Variants in ITGAV observed in about 807,000 individuals in gnomAD.
The protein encoded by ITGAV is integrin alpha-V.
Under a neutral mutation model 143.8 loss-of-function variants are expected in ITGAV, and 76 were observed. The observed-to-expected ratio is 0.53, with a 90% CI of 0.44 to 0.64. ITGAV has a LOEUF of 0.64. Ranked by LOEUF, ITGAV falls within the 30% of genes least tolerant of loss-of-function variation. ITGAV has a pLI of 0.00. For missense variants in ITGAV, 1,193 were observed against 1,274.7 expected, an observed-to-expected ratio of 0.94 and a Z score of 0.98; for synonymous variants, 453 against 446.7, an observed-to-expected ratio of 1.01 and a Z score of -0.18.
intron 8 of ITGAV, among the ~76,000 whole-genome samples, chr2:186,637,475 C>T (rs536740098): frequency 7.7e-6 from 1 of 130,358 alleles, no homozygotes; most frequent in East Asian, 2.3e-4. Context: ...AGCCGAGACC[C>T]TGTCTCAAAA....
intron 13 of ITGAV, among the ~76,000 whole-genome samples, chr2:186,647,829 C>T (rs1241662068): frequency 6.6e-6 from 1 of 152,108 alleles, no homozygotes; most frequent in East Asian, 1.9e-4. Context: ...TGTTGAAACA[C>T]TTAATATGAG....
intron 4 of ITGAV, among the ~76,000 whole-genome samples, chr2:186,628,915 G>A (rs1341117272): frequency 6.6e-6 from 1 of 151,970 alleles, no homozygotes. Context: ...TTATTTACTA[G>A]CTGGTTGGCC....
intron 3 of ITGAV, among the ~76,000 whole-genome samples, chr2:186,624,422 G>A (rs542422760): frequency 1.3e-5 from 2 of 152,294 alleles, no homozygotes; most frequent in East Asian, 3.9e-4. Flanking sequence ...GGGGTTAAGA[G>A]TGGGGATGTT....
intron 2 of ITGAV, among the ~76,000 whole-genome samples, chr2:186,614,898 G>A (rs1687310641): frequency 6.6e-6 from 1 of 151,910 alleles, no homozygotes; most frequent in Non-Finnish European, 1.5e-5. Context: ...TGTTTTAAGT[G>A]TACAATTCAA....
chr2:186,593,299 T>A (rs1686664300), intron 1 of ITGAV, among the ~76,000 whole-genome samples: 1 of 152,132 alleles, frequency 6.6e-6, no homozygotes, highest in South Asian at 2.1e-4. Context: ...CATAGTTTTG[T>A]TGTGAAAATT....
chr2:186,676,806 T>C lies in ITGAV; in HGVS notation c.2929-7T>C. 1 of 1,611,542 alleles carries C rather than the reference T, an allele frequency of 6.2e-7. No homozygotes were observed. Among genetic ancestry groups the C allele is most frequent in the African/African-American group, 1.3e-5 (1 of 74,922 alleles). ...TTTTTAAAACTAAAAGCTTTTTTCC[T>C]CGATAGGTTACCACTAATGTCACCT... On this transcript the variant is annotated splice_polypyrimidine_tract_variant and splice_region_variant and intron_variant, in intron 28 of 29. Transcript: ENST00000261023.
At chr2:186,620,670 G>C (rs59395554) in intron 2 of ITGAV, among the ~76,000 whole-genome samples, 1,915 of 152,266 alleles carry the variant, frequency 0.013, 32 homozygotes, top group African/African-American at 0.044. Context: ...GGCTGAAGTG[G>C]GAGGATCGCT....
At chr2:186,601,299 T>C (rs991043822) in intron 1 of ITGAV, among the ~76,000 whole-genome samples, 1 of 147,932 alleles carries the variant, frequency 6.8e-6, no homozygotes, top group Non-Finnish European at 1.5e-5. Context: ...CTACAGAAAA[T>C]TTAAAAAAAA....
chr2:186,664,436 C>T lies in ITGAV; in HGVS notation c.1926-58C>T, dbSNP rs1574499304. The T allele has an allele frequency of 2.0e-6, 3 of 1,522,804 alleles. No homozygotes were observed. In the East Asian group the frequency reaches 6.8e-5, roughly 34 times the overall value. The allele number at this position is 1,522,804 out of a possible 1,614,324, so 94.3% of individuals were successfully genotyped here. ...TTTATCTCTTCTTTCTTTGAACAGTCATACTTTCCCCATGTAGTCTTTTTT... is the reference window on the plus strand; with the variant it reads ...TTTATCTCTTCTTTCTTTGAACAGTTATACTTTCCCCATGTAGTCTTTTTT... On this transcript the variant is annotated intron_variant, in intron 19 of 29. Coordinates refer to ENST00000261023, the MANE Select transcript of ITGAV (RefSeq NM_002210.5).
chr2:186,676,930 T>G lies in ITGAV; in HGVS notation c.3046T>G (p.Tyr1016Asp). The change falls in exon 29 of 30, where the codon TAC becomes GAC. Residue 1016 changes from tyrosine (Y) to aspartate (D), a missense_variant. Tyr to Asp is a radical substitution (Grantham distance 160). Transcript: ENST00000261023. ...ACTGGCTGTTTTGGTATTTGTAATG[T>G]ACAGGGTAAGTAACGGACTTAGAAA... ...LLLAVLVFVM[Y>D]RMGFFKRVRP... is the part of the protein sequence containing the mutation. The G allele has an allele frequency of 6.2e-7, 1 of 1,613,412 alleles. No individual in the cohort carries two copies. The highest frequency in any genetic ancestry group is 8.5e-7 in the Non-Finnish European group (1 of 1,179,834).
At position 186,680,376 on chromosome 2, in the gene ITGAV, A is replaced by G. The variant is rs1011693976; in HGVS notation, c.*3084A>G. Reference sequence around the variant, plus strand: ...GAACGATAGAAATATGCAGCATGCAATATATGCTTATATTTCATTTTAATT... The same window carrying G: ...GAACGATAGAAATATGCAGCATGCAGTATATGCTTATATTTCATTTTAATT... On this transcript the variant is annotated 3_prime_UTR_variant, in exon 30 of 30. Transcript: ENST00000261023. 2 of 152,542 alleles carry G rather than the reference A, an allele frequency of 1.3e-5. No homozygotes were observed. Among genetic ancestry groups the G allele is most frequent in the Non-Finnish European group, 2.9e-5 (2 of 67,968 alleles). The allele number at this position is 152,542 out of a possible 1,614,324, so 9.4% of individuals were successfully genotyped here. A position where few individuals can be genotyped will look rare whatever the true frequency, so the allele number is the denominator to read the frequency against.
chr2:186,659,307 G>C (rs552496500), intron 18 of ITGAV, 132 bp downstream of exon 18: 1 of 640,576 alleles, frequency 1.6e-6, no homozygotes, highest in East Asian at 3.5e-5. Context: ...TTAGGAATCT[G>C]AATTTTCTAT....
intron 28 of ITGAV, among the ~76,000 whole-genome samples, chr2:186,676,490 A>G (rs1043362204): frequency 2.6e-5 from 4 of 152,048 alleles, no homozygotes; most frequent in Non-Finnish European, 4.4e-5. Flanking sequence ...TGTAATTCCA[A>G]CTACTGGGGA....
chr2:186,672,073 T>TCC (rs1162589891), intron 26 of ITGAV, among the ~76,000 whole-genome samples: 1 of 150,262 alleles, frequency 6.7e-6, no homozygotes, highest in Non-Finnish European at 1.5e-5. Context: ...TGCCTCAGCC[T>TCC]CCCGAGTAGC....
At position 186,636,067 on chromosome 2, in the gene ITGAV, T is replaced by C; in HGVS notation, c.632-15T>C. On this transcript the variant is annotated splice_polypyrimidine_tract_variant and intron_variant, in intron 6 of 29. Transcript: ENST00000261023. Reference sequence around the variant, plus strand: ...ATTTGAAGGTTATTTATTTTATATATACACCCTTTTTTAGGTCAGCTTATT... The same window carrying C: ...ATTTGAAGGTTATTTATTTTATATACACACCCTTTTTTAGGTCAGCTTATT... The C allele has an allele frequency of 6.2e-7, 1 of 1,608,342 alleles. No homozygotes were observed. Among genetic ancestry groups the C allele is most frequent in the Admixed American group, 1.7e-5 (1 of 59,146 alleles).
intron 15 of ITGAV, among the ~76,000 whole-genome samples, chr2:186,653,571 T>A (rs977910099): frequency 5.9e-5 from 9 of 152,240 alleles, no homozygotes; most frequent in African/African-American, 2.2e-4. Context: ...AACTTTCATT[T>A]CTTTAATTGG....
chr2:186,672,759 T>C (rs552841987), intron 26 of ITGAV, among the ~76,000 whole-genome samples: 5 of 152,330 alleles, frequency 3.3e-5, no homozygotes, highest in Admixed American at 6.5e-5. Flanking sequence ...CATTTTTAAA[T>C]TGGGTTATTT....
rs1260492183 is a variant in ITGAV at position 186,641,500 on chromosome 2, G to T, written c.1071G>T (p.Gln357His). The T allele has an allele frequency of 6.2e-7, 1 of 1,614,232 alleles. No individual in the cohort carries two copies. Among genetic ancestry groups the T allele is most frequent in the African/African-American group, 1.3e-5 (1 of 75,062 alleles). ...TACAGAGAGCTTCAGGAGACTTCCA[G>T]ACGACAAAGCTGAATGGATTTGAGG... ...VSLQRASGDFQTTKLNGFEVF... is the reference protein window; with the variant it reads ...VSLQRASGDFHTTKLNGFEVF... Residue 357 changes from glutamine to histidine, a missense_variant, in exon 12 of 30, where the codon CAG (glutamine) becomes CAT (histidine). Physicochemically the swap from Gln to His is conservative, Grantham distance 24. Coordinates refer to ENST00000261023, the MANE Select transcript of ITGAV (RefSeq NM_002210.5).
chr2:186,617,936 G>C (rs1300658225), intron 2 of ITGAV, among the ~76,000 whole-genome samples: 1 of 152,154 alleles, frequency 6.6e-6, no homozygotes, highest in Non-Finnish European at 1.5e-5. Context: ...AAGTGTGTCA[G>C]CATAGTCCAG....
Sources: gnomAD v4.1 joint callset for allele counts (sites outside exome capture counted in the v4.1 genomes callset) on GRCh38, gnomAD v4.1.1 for gene constraint, MANE v1.5 for transcripts, NCBI Gene and HGNC (gene_info 2026-07-23, HGNC 2026-07-21) for gene names.